NEDD4L: variants seen among roughly 807,000 people sequenced by gnomAD.
NEDD4L encodes the protein NEDD4 like E3 ubiquitin protein ligase, also known as E3 ubiquitin-protein ligase NEDD4-like.
NEDD4L carries 54 observed loss-of-function variants against 148.9 expected under a neutral mutation model. The observed-to-expected ratio is 0.36, with a 90% CI of 0.29 to 0.45. NEDD4L has a LOEUF of 0.45. Among genes scored for constraint, NEDD4L ranks in the 20% least tolerant of loss-of-function variants. The pLI, the probability that NEDD4L is intolerant of heterozygous loss-of-function variation, is 1.00. For synonymous variants in NEDD4L, 433 were observed against 440.7 expected, an observed-to-expected ratio of 0.98 and a Z score of 0.22; for missense variants, 856 against 1,233.8, an observed-to-expected ratio of 0.69 and a Z score of 4.59.
rs554520861 is a variant in NEDD4L at position 58,162,785 on chromosome 18, C to T, written c.49-3003C>T. Among the ~76,000 whole-genome samples the T allele has an allele frequency of 9.9e-5, 15 of 151,582 alleles. No individual in the cohort carries two copies. The East Asian group carries it at 2.1e-3, about 22-fold the overall frequency. On this transcript the variant is annotated intron_variant, in intron 1 of 30. Transcript: ENST00000400345. Reference sequence around the variant, plus strand: ...TTTTTTAGAAATGGGGTGTTGCAGCCGGGCGCAGTGGCTCACGCCTGTAAT... The same window carrying T: ...TTTTTTAGAAATGGGGTGTTGCAGCTGGGCGCAGTGGCTCACGCCTGTAAT...
intron 5 of NEDD4L, among the ~76,000 whole-genome samples, chr18:58,280,983 T>C (rs1159649294): frequency 6.6e-6 from 1 of 152,200 alleles, no homozygotes; most frequent in Admixed American, 6.5e-5. Flanking sequence ...TTCTTTTCTT[T>C]TTTTGTTTCC....
At chr18:58,295,508 G>A (rs1196456761) in intron 5 of NEDD4L, among the ~76,000 whole-genome samples, 1 of 152,172 alleles carries the variant, frequency 6.6e-6, no homozygotes, top group African/African-American at 2.4e-5. Flanking sequence ...CGCTTAGTTA[G>A]TCATTCATCT....
rs2050650780 is a variant in NEDD4L at position 58,269,038 on chromosome 18, T to C, written c.297+16984T>C. On this transcript the variant is annotated intron_variant, in intron 5 of 30. Transcript: ENST00000400345. ...CTGGCAGAAACCTCACTGGGGATCA[T>C]TTTTTCCTTTTGAACAAGTTTCTTA... Among the ~76,000 whole-genome samples, 4 of 152,128 alleles carry C rather than the reference T, an allele frequency of 2.6e-5. No individual in the cohort carries two copies. In the South Asian group the frequency reaches 6.2e-4, roughly 24 times the overall value.
rs1243630724 is a variant in NEDD4L at position 58,136,932 on chromosome 18, A to C, written c.49-28856A>C. Reference sequence around the variant, plus strand: ...TGGTTTTCCTAATTCCAGGAAAGGAAAATCAAGGAATAGATACATTTTTTA... The same window carrying C: ...TGGTTTTCCTAATTCCAGGAAAGGACAATCAAGGAATAGATACATTTTTTA... On this transcript the variant is annotated intron_variant, in intron 1 of 30. Coordinates refer to ENST00000400345, the MANE Select transcript of NEDD4L (RefSeq NM_001144967.3). Among the ~76,000 whole-genome samples, 10 of 152,340 alleles carry C rather than the reference A, an allele frequency of 6.6e-5. No homozygotes were observed. In the East Asian group the frequency reaches 1.7e-3, roughly 26 times the overall value.
intron 1 of NEDD4L, among the ~76,000 whole-genome samples, chr18:58,127,863 T>C (rs1413827034): frequency 7.2e-6 from 1 of 138,626 alleles, no homozygotes; most frequent in African/African-American, 2.7e-5. Context: ...AAAAAAAGAA[T>C]CAACATTTAT....
intron 25 of NEDD4L, among the ~76,000 whole-genome samples, 174 bp downstream of exon 25, chr18:58,383,493 A>G (rs1167723493): frequency 6.6e-6 from 1 of 152,228 alleles, no homozygotes; most frequent in African/African-American, 2.4e-5. Flanking sequence ...TATGGGATGG[A>G]AAGTCTGTCT....
At chr18:58,113,437 G>A (rs948638460) in intron 1 of NEDD4L, among the ~76,000 whole-genome samples, 7 of 152,204 alleles carry the variant, frequency 4.6e-5, no homozygotes, top group African/African-American at 1.4e-4. Context: ...AATTGAGTTT[G>A]ACTTTCTCTT....
chr18:58,057,287 T>C (rs1443686166), intron 1 of NEDD4L, among the ~76,000 whole-genome samples: 1 of 151,398 alleles, frequency 6.6e-6, no homozygotes, highest in African/African-American at 2.4e-5. Flanking sequence ...GATTTATGAC[T>C]AAATAGGCTA....
intron 2 of NEDD4L, among the ~76,000 whole-genome samples, chr18:58,212,322 G>T (rs966598030): frequency 6.6e-6 from 1 of 152,048 alleles, no homozygotes; most frequent in African/African-American, 2.4e-5. Flanking sequence ...TACCTGAGAC[G>T]GGGCAATTTA....
chr18:58,311,756 AT>A (rs1227850688), intron 5 of NEDD4L, among the ~76,000 whole-genome samples: 22 of 152,304 alleles, frequency 1.4e-4, no homozygotes, highest in African/African-American at 5.3e-4. Flanking sequence ...TCTTTGAGAA[AT>A]TGAGTCTTGA....
chr18:58,359,334 A>G (rs1410252150), intron 19 of NEDD4L, among the ~76,000 whole-genome samples: 3 of 151,666 alleles, frequency 2.0e-5, no homozygotes, highest in Non-Finnish European at 4.4e-5. Flanking sequence ...TGTACTTTCT[A>G]TTTGTATTCT....
At chr18:58,094,649 C>G (rs76616988) in intron 1 of NEDD4L, among the ~76,000 whole-genome samples, 2,524 of 152,184 alleles carry the variant, frequency 0.017, 66 homozygotes, top group African/African-American at 0.058. Flanking sequence ...GTAATCACAC[C>G]TCAGAGCCCT....
At chr18:58,384,608 G>A (rs943141674) in intron 25 of NEDD4L, among the ~76,000 whole-genome samples, 9 of 152,296 alleles carry the variant, frequency 5.9e-5, no homozygotes, top group Non-Finnish European at 8.8e-5. Flanking sequence ...AAACGTGGTG[G>A]GAGTCAGGGC....
intron 2 of NEDD4L, among the ~76,000 whole-genome samples, chr18:58,222,612 T>A (rs1177596065): frequency 6.6e-4 from 100 of 152,238 alleles, no homozygotes; most frequent in Admixed American, 6.5e-3. Flanking sequence ...GGTTATAGTG[T>A]ATCCATATGT....
rs141344124 is a variant in NEDD4L at position 58,244,824 on chromosome 18, T to C, written c.123-603T>C. ...GATTCTTCTGCCTCAGCCTCCTGAG[T>C]AGCTGGGATTACAGGCACCTGCCAC... On this transcript the variant is annotated intron_variant, in intron 2 of 30. Coordinates refer to ENST00000400345, the MANE Select transcript of NEDD4L (RefSeq NM_001144967.3). Among the ~76,000 whole-genome samples, 25 of 152,150 alleles carry C rather than the reference T, an allele frequency of 1.6e-4. 1 individual carries two copies. The highest frequency in any genetic ancestry group is 2.8e-4 in the Non-Finnish European group (19 of 68,026).
chr18:58,179,668 T>C (rs912292440), intron 2 of NEDD4L, among the ~76,000 whole-genome samples: 2 of 151,896 alleles, frequency 1.3e-5, no homozygotes, highest in Admixed American at 6.6e-5. Flanking sequence ...TTGTGGAACT[T>C]TGCATGTGAG....
chr18:58,045,403 C>T (rs989677979), intron 1 of NEDD4L: 4 of 372,296 alleles, frequency 1.1e-5, no homozygotes, highest in Admixed American at 4.6e-5. Context: ...AGCCCGGCAC[C>T]TCCAGGGTGG....
chr18:58,075,885 C>T (rs1033700348), intron 1 of NEDD4L, among the ~76,000 whole-genome samples: 1 of 152,094 alleles, frequency 6.6e-6, no homozygotes, highest in African/African-American at 2.4e-5. Context: ...ACCATGATTG[C>T]ACCACGGCAC....
At position 58,397,878 on chromosome 18, in the gene NEDD4L, C is replaced by T. The variant is rs1217847810; in HGVS notation, c.*1609C>T. On this transcript the variant is annotated 3_prime_UTR_variant, in exon 31 of 31. Transcript: ENST00000400345. ...TCAGGGGACACTAGAGATTTGATCT[C>T]ATGCGAGTCATCAATAGGACAAAAA... The T allele has an allele frequency of 6.6e-6, 1 of 152,530 alleles. No homozygotes were observed. Among genetic ancestry groups the T allele is most frequent in the Non-Finnish European group, 1.5e-5 (1 of 68,026 alleles). 9.4% of individuals were successfully genotyped at this position (152,530 alleles called of 1,614,324 possible).
Sources: gnomAD v4.1 joint callset for allele counts (sites outside exome capture counted in the v4.1 genomes callset) on GRCh38, gnomAD v4.1.1 for gene constraint, MANE v1.5 for transcripts, NCBI Gene and HGNC (gene_info 2026-07-23, HGNC 2026-07-21) for gene names.